The following GRID2 variants were observed in gnomAD, a reference collection of about 807,000 sequenced individuals.
GRID2 encodes the protein glutamate ionotropic receptor delta type subunit 2, also known as glutamate receptor ionotropic, delta-2.
Under a neutral mutation model 114.8 loss-of-function variants are expected in GRID2, and 33 were observed. That is an observed-to-expected ratio of 0.29 (90% CI 0.22 to 0.38). The LOEUF (loss-of-function observed/expected upper bound fraction) is 0.38, where lower values mean the gene tolerates loss of function less well. Among genes scored for constraint, GRID2 ranks in the 10% least tolerant of loss-of-function variants. The pLI is 1.00. For synonymous variants in GRID2, 505 were observed against 449.9 expected (o/e 1.12, Z -1.55); for missense variants, 1,184 against 1,257.7 (o/e 0.94, Z 0.89).
chr4:92,337,716 C>T (rs1727260881), intron 1 of GRID2, among the ~76,000 whole-genome samples: 1 of 152,146 alleles, frequency 6.6e-6, no homozygotes, highest in Admixed American at 6.5e-5. Context: ...CCAGTCACCT[C>T]CCACCAGGTC....
At chr4:92,625,785 G>A (rs1479613003) in intron 2 of GRID2, among the ~76,000 whole-genome samples, 1 of 151,818 alleles carries the variant, frequency 6.6e-6, no homozygotes, top group Non-Finnish European at 1.5e-5. Context: ...AATTGCGACT[G>A]TTTCTCATCT....
At chr4:92,443,324 T>C (rs1733225800) in intron 1 of GRID2, among the ~76,000 whole-genome samples, 1 of 152,166 alleles carries the variant, frequency 6.6e-6, no homozygotes, top group African/African-American at 2.4e-5. Flanking sequence ...CAAGTGGCAT[T>C]GCAGAAGAAA....
chr4:92,422,910 G>A (rs552156503), intron 1 of GRID2, among the ~76,000 whole-genome samples: 53 of 152,202 alleles, frequency 3.5e-4, no homozygotes, highest in South Asian at 6.2e-4. Context: ...TTCAGCATAC[G>A]CCCAGGAATG....
chr4:93,415,334 A>G (rs1284277441), intron 9 of GRID2, among the ~76,000 whole-genome samples: 1 of 152,134 alleles, frequency 6.6e-6, no homozygotes, highest in Non-Finnish European at 1.5e-5. Context: ...TAATTTACTC[A>G]TGCATGTGGA....
chr4:93,072,986 A>G (rs1228950764), intron 2 of GRID2, among the ~76,000 whole-genome samples: 1 of 152,178 alleles, frequency 6.6e-6, no homozygotes, highest in Non-Finnish European at 1.5e-5. Context: ...TTCACAGCCA[A>G]CTCCAGTTGC....
intron 2 of GRID2, among the ~76,000 whole-genome samples, chr4:92,948,489 A>G (rs1218743016): frequency 1.3e-5 from 2 of 151,850 alleles, no homozygotes; most frequent in Non-Finnish European, 2.9e-5. Flanking sequence ...ATTTACAGAC[A>G]TTTCTCTTTC....
At chr4:92,460,032 C>CTCTATATATATATATATATATATATATA (rs749790235) in intron 1 of GRID2, among the ~76,000 whole-genome samples, 26 of 48,344 alleles carry the variant, frequency 5.4e-4, no homozygotes, top group African/African-American at 2.1e-3. Context: ...ATAAATCTCA[C>CTCTATATATATATATATATATATATATA]TATATATATA....
chr4:92,344,266 T>G (rs1727655271), intron 1 of GRID2, among the ~76,000 whole-genome samples: 1 of 152,166 alleles, frequency 6.6e-6, no homozygotes, highest in South Asian at 2.1e-4. Flanking sequence ...TCCTCAATTT[T>G]CAATAGAAAT....
At chr4:92,395,966 A>G (rs1174630959) in intron 1 of GRID2, among the ~76,000 whole-genome samples, 3 of 151,882 alleles carry the variant, frequency 2.0e-5, no homozygotes, top group South Asian at 2.1e-4. Flanking sequence ...GTAATAACCT[A>G]TTAGTAGATT....
intron 10 of GRID2, among the ~76,000 whole-genome samples, chr4:93,437,905 C>T (rs1721251308): frequency 6.6e-6 from 1 of 152,080 alleles, no homozygotes; most frequent in African/African-American, 2.4e-5. Flanking sequence ...TGTAATGTTA[C>T]ACATCTATCT....
chr4:92,369,450 C>T (rs935436134), intron 1 of GRID2, among the ~76,000 whole-genome samples: 1 of 152,112 alleles, frequency 6.6e-6, no homozygotes, highest in Non-Finnish European at 1.5e-5. Flanking sequence ...TTTTCAAACA[C>T]TTTTAATCAG....
chr4:92,704,672 G>A (rs986040675), intron 2 of GRID2, among the ~76,000 whole-genome samples: 2 of 149,014 alleles, frequency 1.3e-5, no homozygotes, highest in Non-Finnish European at 3.0e-5. Context: ...CACACTGGAA[G>A]ATTTCTTTTC....
At chr4:92,486,474 TTA>T (rs1722892711) in intron 1 of GRID2, among the ~76,000 whole-genome samples, 2 of 150,974 alleles carry the variant, frequency 1.3e-5, no homozygotes, top group Non-Finnish European at 3.0e-5. Context: ...AGATTAATAT[TTA>T]TGTTTGCTGA....
intron 13 of GRID2, among the ~76,000 whole-genome samples, chr4:93,588,421 G>C (rs1290571081): frequency 6.6e-6 from 1 of 152,102 alleles, no homozygotes; most frequent in Admixed American, 6.5e-5. Flanking sequence ...CAGAGTTATA[G>C]ATAACCTATA....
intron 2 of GRID2, among the ~76,000 whole-genome samples, chr4:92,847,239 T>G (rs1743395655): frequency 6.6e-6 from 1 of 152,020 alleles, no homozygotes; most frequent in African/African-American, 2.4e-5. Flanking sequence ...CTTGCCTAAA[T>G]TTTTGCTGAA....
intron 14 of GRID2, among the ~76,000 whole-genome samples, chr4:93,743,170 C>G (rs1441492951): frequency 1.3e-5 from 2 of 152,176 alleles, no homozygotes; most frequent in African/African-American, 2.4e-5. Context: ...CAAAGCCTAA[C>G]CCAGAGCAAG....
In GRID2 at chr4:92,939,496, T is replaced by G. The variant is rs1284021736; in HGVS notation, c.245-145499T>G. Among the ~76,000 whole-genome samples, 3 of 147,378 alleles carry G rather than the reference T, an allele frequency of 2.0e-5. 1 individual carries two copies. The highest frequency in any genetic ancestry group is 1.5e-4 in the Admixed American group (2 of 13,656). The stretch of plus-strand genomic sequence containing the variant: ...TGTCAGATGAGTAGATTGCAAAAAT[T>G]TTCTCCCATTCTGTAGGTTCCCTGT... On this transcript the variant is annotated intron_variant, in intron 2 of 15. Coordinates refer to ENST00000282020, the MANE Select transcript of GRID2 (RefSeq NM_001510.4).
intron 2 of GRID2, among the ~76,000 whole-genome samples, chr4:92,669,806 A>C (rs776537753): frequency 1.3e-5 from 2 of 152,006 alleles, no homozygotes; most frequent in Non-Finnish European, 2.9e-5. Context: ...TATCCCTTTC[A>C]ATTTTGTATT....
intron 1 of GRID2, among the ~76,000 whole-genome samples, chr4:92,446,015 G>A (rs1427642921): frequency 3.3e-5 from 5 of 152,152 alleles, no homozygotes; most frequent in East Asian, 3.9e-4. Flanking sequence ...CACTGATTTC[G>A]GCTCACTGCA....
Sources: gnomAD v4.1 joint callset for allele counts (sites outside exome capture counted in the v4.1 genomes callset) on GRCh38, gnomAD v4.1.1 for gene constraint, MANE v1.5 for transcripts, NCBI Gene and HGNC (gene_info 2026-07-23, HGNC 2026-07-21) for gene names.